Variants in OGDHL observed in about 807,000 individuals in gnomAD.
OGDHL encodes oxoglutarate dehydrogenase L.
Under a neutral mutation model 109.6 loss-of-function variants are expected in OGDHL, and 79 were observed. That is an observed-to-expected ratio of 0.72 (90% CI 0.60 to 0.87). The LOEUF is 0.87. OGDHL is among the 40% of genes least tolerant of loss of function. The probability of loss-of-function intolerance (pLI) is 0.00; values close to 1 mark genes in which losing one functional copy is unlikely to be tolerated. For missense variants in OGDHL, 1,275 were observed against 1,362.2 expected, an observed-to-expected ratio of 0.94 and a Z score of 1.01; for synonymous variants, 528 against 537.2, an observed-to-expected ratio of 0.98 and a Z score of 0.24.
chr10:49,760,396 GGTCCCAACTCCT>G (rs1428367128), intron 1 of OGDHL, among the ~76,000 whole-genome samples: 1 of 152,186 alleles, frequency 6.6e-6, no homozygotes, highest in Non-Finnish European at 1.5e-5. Flanking sequence ...AGGCAGCCAG[GGTCCCAACTCCT>G]GTTCCACCTC....
chr10:49,738,764 C>T (rs1018902519), intron 17 of OGDHL: 6 of 176,864 alleles, frequency 3.4e-5, no homozygotes, highest in East Asian at 1.5e-4. Flanking sequence ...CTCACCCACA[C>T]GGACCGCTCT....
chr10:49,756,376 G>T (rs1313803971), intron 3 of OGDHL, among the ~76,000 whole-genome samples: 1 of 152,160 alleles, frequency 6.6e-6, no homozygotes, highest in African/African-American at 2.4e-5. Flanking sequence ...CCATAAACAT[G>T]AATTAGGCAC....
Position 49,744,114 on chromosome 10 carries a change from T to G in OGDHL, c.1741A>C (p.Asn581His). The G allele has an allele frequency of 6.2e-7, 1 of 1,613,704 alleles. No individual in the cohort carries two copies. Among genetic ancestry groups the G allele is most frequent in the Non-Finnish European group, 8.5e-7 (1 of 1,179,834 alleles). ...WLDSPWPGFF[N>H]VDGEPKSMTC... ...ATGCTCTTGGGCTCCCCATCTACGT[T>G]GAAGAAGCCTGAGAGGGAGAGAGGC... Residue 581 changes from asparagine (N) to histidine (H), a missense_variant, in exon 14 of 23, where the codon AAC becomes CAC. By Grantham distance (68) the Asn-to-His change is moderately conservative. Transcript: ENST00000374103.
Position 49,739,742 on chromosome 10 carries a change from G to C in OGDHL, c.2238C>G (p.Asp746Glu). 1 of 1,614,176 alleles carries C rather than the reference G, an allele frequency of 6.2e-7. No individual in the cohort carries two copies. The highest frequency in any genetic ancestry group is 8.5e-7 in the Non-Finnish European group (1 of 1,180,014). Reference protein sequence around the residue: ...DFHNTAQCIIDQFISTGQAKW... With the variant: ...DFHNTAQCIIEQFISTGQAKW... ...TGGCCTGGCCGGTGCTGATGAACTG[G>C]TCGATGATGCACTGGGCCGTGTTGT... Residue 746 changes from aspartate to glutamate, a missense_variant, in exon 17 of 23, where the codon GAC becomes GAG. Transcript: ENST00000374103.
intron 14 of OGDHL, chr10:49,743,741 G>C: frequency 2.8e-6 from 1 of 353,964 alleles, no homozygotes; most frequent in South Asian, 6.0e-5. Context: ...GAAAATCCAA[G>C]GTCCCCAACC....
chr10:49,749,021 C>A (rs1842403565), intron 8 of OGDHL, among the ~76,000 whole-genome samples: 1 of 152,168 alleles, frequency 6.6e-6, no homozygotes, highest in Non-Finnish European at 1.5e-5. Context: ...CCAGCCTGAC[C>A]AACATGGCAA....
At chr10:49,741,713 T>A (rs1841673747) in intron 15 of OGDHL, among the ~76,000 whole-genome samples, 1 of 122,640 alleles carries the variant, frequency 8.2e-6, no homozygotes, top group Non-Finnish European at 1.7e-5. Context: ...ACCAAACACA[T>A]ACATACACAC....
At chr10:49,752,800 G>T (rs977995868) in intron 3 of OGDHL, 60 bp from the exon 4 acceptor site, 1 of 1,234,434 alleles carries the variant, frequency 8.1e-7, no homozygotes, top group African/African-American at 1.5e-5. Context: ...CCTCCTCCAG[G>T]GTAAGGCTCT....
chr10:49,738,317 G>C (rs1047918516), intron 17 of OGDHL, 55 bp from the exon 18 acceptor site: 177 of 1,587,512 alleles, frequency 1.1e-4, no homozygotes, highest in Non-Finnish European at 1.0e-4. Flanking sequence ...AAAGACATCT[G>C]GCCCTGCAGG....
In OGDHL at chr10:49,737,788, G is replaced by C. The variant is rs765045753; in HGVS notation, c.2588C>G (p.Ser863Cys). Reference protein sequence around the residue: ...EAKSSFDQMVSGTSFQRVIPE... With the variant: ...EAKSSFDQMVCGTSFQRVIPE... ...ACACACCCAGGCCAGGCACGTACCG[G>C]ATACCATTTGGTCAAAGCTGGACTT... Residue 863 changes from serine to cysteine, a missense_variant and splice_region_variant, in exon 20 of 23, where the codon TCC becomes TGC. By Grantham distance (112) the Ser-to-Cys change is moderately radical. Coordinates refer to ENST00000374103, the MANE Select transcript of OGDHL (RefSeq NM_018245.3). 1.4e-5 allele frequency: 23 copies of C among 1,614,178 alleles called. No homozygotes were observed. The highest frequency in any genetic ancestry group is 1.9e-5 in the Non-Finnish European group (22 of 1,180,018).
intron 11 of OGDHL, 51 bp downstream of exon 11, chr10:49,745,747 C>G (rs1380876459): frequency 4.2e-5 from 67 of 1,586,928 alleles, no homozygotes; most frequent in Non-Finnish European, 5.5e-5. Context: ...TGGCTCAGCA[C>G]AGCAGGGATG....
chr10:49,749,611 A>G lies in OGDHL; in HGVS notation c.987+115T>C, dbSNP rs147645069. 1.7e-3 allele frequency: 1,468 copies of G among 872,416 alleles called. 32 individuals are homozygous for G. The East Asian group carries it at 0.037, about 22-fold the overall frequency. 54.0% of individuals were successfully genotyped at this position (872,416 alleles called of 1,614,324 possible). ...AGCCTCTCTCCTGCAGGCTTCTCCA[A>G]TGCATCCATCTTAAGGTTTATCTCA... On this transcript the variant is annotated intron_variant, in intron 8 of 22. Transcript: ENST00000374103.
Position 49,752,158 on chromosome 10 carries a change from A to G in OGDHL, c.569T>C (p.Leu190Pro). The change falls in exon 5 of 23, where the codon CTG becomes CCG. Residue 190 changes from leucine (L) to proline (P), a missense_variant. Leu to Pro is a moderately conservative substitution (Grantham distance 98, BLOSUM62 -3). Transcript: ENST00000374103. ...CTCCAGGCGCCGAATGATCTCCCGCAGAGAGAGGGTGTTTTCAGAGCCCCC... is the reference window on the plus strand; with the variant it reads ...CTCCAGGCGCCGAATGATCTCCCGCGGAGAGAGGGTGTTTTCAGAGCCCCC... Reference protein sequence around the residue: ...FIGGSENTLSLREIIRRLENT... With the variant: ...FIGGSENTLSPREIIRRLENT... 6.2e-7 allele frequency: 1 copy of G among 1,614,084 alleles called. No homozygotes were observed. The highest frequency in any genetic ancestry group is 2.2e-5 in the East Asian group (1 of 44,858).
intron 1 of OGDHL, 47 bp downstream of exon 1, chr10:49,762,192 A>C (rs1843338005): frequency 6.6e-6 from 1 of 152,340 alleles, no homozygotes; most frequent in Non-Finnish European, 1.5e-5. Flanking sequence ...GGACGGCAGG[A>C]GAAGCAGCGG....
intron 1 of OGDHL, among the ~76,000 whole-genome samples, chr10:49,761,422 G>A (rs1323041878): frequency 6.6e-6 from 1 of 152,216 alleles, no homozygotes; most frequent in Admixed American, 6.5e-5. Context: ...GGCCGGGAAG[G>A]GTTCTCCCCA....
intron 20 of OGDHL, among the ~76,000 whole-genome samples, chr10:49,736,978 C>A (rs73305370): frequency 4.0e-4 from 61 of 152,316 alleles, no homozygotes; most frequent in African/African-American, 1.3e-3. Flanking sequence ...AAGCCCCAAC[C>A]ATTCTTCCTT....
At position 49,744,130 on chromosome 10, in the gene OGDHL, G is replaced by A. The variant is rs1220864543; in HGVS notation, c.1733-8C>T. The A allele has an allele frequency of 1.2e-6, 2 of 1,613,222 alleles. No individual in the cohort carries two copies. The highest frequency in any genetic ancestry group is 1.3e-5 in the African/African-American group (1 of 74,920). The stretch of plus-strand genomic sequence containing the variant: ...CATCTACGTTGAAGAAGCCTGAGAG[G>A]GAGAGAGGCTCTGTCCACACTGTGT... On this transcript the variant is annotated splice_polypyrimidine_tract_variant and splice_region_variant and intron_variant, in intron 13 of 22. Coordinates refer to ENST00000374103, the MANE Select transcript of OGDHL (RefSeq NM_018245.3).
chr10:49,753,246 G>A (rs1842721842), intron 3 of OGDHL, among the ~76,000 whole-genome samples: 1 of 152,114 alleles, frequency 6.6e-6, no homozygotes, highest in Non-Finnish European at 1.5e-5. Flanking sequence ...ATAAATATAT[G>A]CATTAGAAGG....
rs1428260474 is a variant in OGDHL, at chr10:49,747,153, A to T, written c.1043T>A (p.Val348Asp). 6.2e-7 allele frequency: 1 copy of T among 1,614,170 alleles called. No homozygotes were observed. Residue 348 changes from valine (V) to aspartate (D), a missense_variant, in exon 9 of 23, where the codon GTC becomes GAC. Val to Asp is a radical substitution (Grantham distance 152). Transcript: ENST00000374103. ...CGACAGAGTGATGTTCCGGTTGGTG[A>T]CGCGGTTGATCCTCTCATGGTACAT... ...LGMYHERINR[V>D]TNRNITLSLV...
Sources: allele counts gnomAD v4.1 joint callset (sites outside exome capture counted in the v4.1 genomes callset), GRCh38; gene constraint gnomAD v4.1.1; transcripts MANE v1.5; gene names NCBI Gene and HGNC (gene_info 2026-07-23, HGNC 2026-07-21).